Variants in PDE1A observed in about 807,000 individuals in gnomAD.
The protein encoded by PDE1A is dual specificity calcium/calmodulin-dependent 3',5'-cyclic nucleotide phosphodiesterase 1A.
A neutral mutation model predicts 61.7 loss-of-function variants in PDE1A; 35 were observed. The ratio of observed to expected loss-of-function variants is 0.57; its 90% CI spans 0.43 to 0.75. The LOEUF is 0.75. Ranked by LOEUF, PDE1A falls within the 30% of genes least tolerant of loss-of-function variation. The probability of loss-of-function intolerance (pLI) is 0.00; values close to 1 mark genes in which losing one functional copy is unlikely to be tolerated. For missense variants in PDE1A, 597 were observed against 630.6 expected (o/e 0.95, Z 0.57); for synonymous variants, 232 against 213.2 (o/e 1.09, Z -0.77).
At chr2:182,349,156 T>A (rs893908376) in intron 1 of PDE1A, among the ~76,000 whole-genome samples, 1 of 152,138 alleles carries the variant, frequency 6.6e-6, no homozygotes, top group Non-Finnish European at 1.5e-5. Flanking sequence ...TTGCTGTGGA[T>A]GCCAGGAGAA....
upstream of PDE1A, among the ~76,000 whole-genome samples, chr2:182,523,647 T>C (rs1251383938): frequency 1.3e-5 from 2 of 152,214 alleles, no homozygotes; most frequent in Non-Finnish European, 2.9e-5. Flanking sequence ...CATCCAATAT[T>C]TGTTGAATAT....
intron 2 of PDE1A, among the ~76,000 whole-genome samples, chr2:182,501,325 C>T (rs550718408): frequency 5.8e-4 from 88 of 152,272 alleles, no homozygotes; most frequent in African/African-American, 2.0e-3. Context: ...GTCACTAAAG[C>T]AAGGTGAAGG....
intron 1 of PDE1A, among the ~76,000 whole-genome samples, chr2:182,281,850 C>G (rs1693829922): frequency 6.6e-6 from 1 of 151,722 alleles, no homozygotes; most frequent in African/African-American, 2.4e-5. Flanking sequence ...GCTTCTAACA[C>G]TAAATGTCTT....
chr2:182,201,093 G>T (rs1427855118), intron 10 of PDE1A, among the ~76,000 whole-genome samples: 1 of 152,150 alleles, frequency 6.6e-6, no homozygotes, highest in African/African-American at 2.4e-5. Flanking sequence ...ATGCAGAACT[G>T]TTATATATCC....
chr2:182,323,941 C>A (rs1313091699), intron 1 of PDE1A, among the ~76,000 whole-genome samples: 1 of 152,116 alleles, frequency 6.6e-6, no homozygotes, highest in East Asian at 1.9e-4. Flanking sequence ...CCTTTTCAGG[C>A]ACAGCATAGA....
the PDE1A span, among the ~76,000 whole-genome samples, chr2:182,553,825 T>G: frequency 6.6e-5 from 10 of 152,360 alleles, no homozygotes; most frequent in Admixed American, 2.0e-4. Context: ...CAGAGCAATC[T>G]GCATGACAGA....
chr2:182,168,791 T>A (rs1691849249), intron 13 of PDE1A, among the ~76,000 whole-genome samples: 2 of 152,148 alleles, frequency 1.3e-5, no homozygotes. Flanking sequence ...TTTTCCTTTA[T>A]CCACAGAAAA....
intron 2 of PDE1A, among the ~76,000 whole-genome samples, chr2:182,459,721 T>A: frequency 6.6e-6 from 1 of 152,070 alleles, no homozygotes; most frequent in Non-Finnish European, 1.5e-5. Flanking sequence ...ATAACAGGAA[T>A]AACTACCAAC....
rs1036727163 is a variant in PDE1A, at chr2:182,342,576, A to G, written c.54-78162T>C. On this transcript the variant is annotated intron_variant, in intron 1 of 13. Transcript: ENST00000351439. ...CACGTGCCTGTAGTCCTAGCTACTC[A>G]GGAGGCTGAGGCAGGAGAATCACTT... Among the ~76,000 whole-genome samples the G allele has an allele frequency of 6.6e-5, 10 of 152,134 alleles. No homozygotes were observed. In the East Asian group the frequency reaches 1.5e-3, roughly 24 times the overall value.
In PDE1A at chr2:182,336,414, T is replaced by C. The variant is rs149961915; in HGVS notation, c.54-72000A>G. Reference sequence around the variant, plus strand: ...CTGGATAAAGAAAATGTGGCACATATGCAACATGGAATACTATGCAGCCAT... The same window carrying C: ...CTGGATAAAGAAAATGTGGCACATACGCAACATGGAATACTATGCAGCCAT... On this transcript the variant is annotated intron_variant, in intron 1 of 13. Transcript: ENST00000351439. 5.7e-3 allele frequency among the ~76,000 whole-genome samples: 863 copies of C among 152,258 alleles called. 4 individuals carry two copies. The highest frequency in any genetic ancestry group is 9.2e-3 in the Non-Finnish European group (626 of 68,016).
intron 1 of PDE1A, among the ~76,000 whole-genome samples, chr2:182,403,362 G>C (rs962295102): frequency 6.6e-6 from 1 of 151,930 alleles, no homozygotes; most frequent in African/African-American, 2.4e-5. Flanking sequence ...CACTTTAGGA[G>C]GCCGAGGCGG....
chr2:182,380,056 T>C (rs1461833016), intron 1 of PDE1A, among the ~76,000 whole-genome samples: 2 of 151,142 alleles, frequency 1.3e-5, no homozygotes, highest in African/African-American at 4.9e-5. Context: ...ACCTATTTTC[T>C]CCCTGATTCT....
At chr2:182,347,239 T>A (rs1439713615) in intron 1 of PDE1A, among the ~76,000 whole-genome samples, 1 of 152,106 alleles carries the variant, frequency 6.6e-6, no homozygotes, top group African/African-American at 2.4e-5. Context: ...CTCTCTTTGA[T>A]AAGTACATTG....
At chr2:182,242,594 G>C (rs58174575) in intron 2 of PDE1A, among the ~76,000 whole-genome samples, 22,311 of 152,108 alleles carry the variant, frequency 0.15, 2,120 homozygotes, top group East Asian at 0.31. Context: ...TTTTAGATGT[G>C]ATTAACATTT....
chr2:182,369,208 G>A (rs1481322914), intron 1 of PDE1A, among the ~76,000 whole-genome samples: 1 of 151,968 alleles, frequency 6.6e-6, no homozygotes, highest in East Asian at 1.9e-4. Flanking sequence ...ATCCCCAAAA[G>A]TCACCTAACA....
chr2:182,243,939 C>T (rs1384100033), intron 2 of PDE1A, among the ~76,000 whole-genome samples: 1 of 152,178 alleles, frequency 6.6e-6, no homozygotes, highest in Non-Finnish European at 1.5e-5. Flanking sequence ...GCGATCTCGG[C>T]TCACCACAAC....
the PDE1A span, among the ~76,000 whole-genome samples, chr2:182,626,578 G>C: frequency 1.4e-3 from 207 of 149,376 alleles, no homozygotes; most frequent in African/African-American, 4.8e-3. Flanking sequence ...CCTTCATTCT[G>C]GAGAACATTA....
intron 1 of PDE1A, among the ~76,000 whole-genome samples, chr2:182,313,288 C>T (rs942651517): frequency 8.5e-5 from 13 of 152,050 alleles, no homozygotes; most frequent in African/African-American, 2.7e-4. Flanking sequence ...GTGGTGGGCA[C>T]CCGTAATCCC....
Position 182,386,895 on chromosome 2 carries a change from G to A in PDE1A, c.53+39683C>T, listed in dbSNP as rs368843238. Among the ~76,000 whole-genome samples, 8 of 152,212 alleles carry A rather than the reference G, an allele frequency of 5.3e-5. No individual in the cohort carries two copies. The South Asian group carries it at 8.3e-4, about 16-fold the overall frequency. On this transcript the variant is annotated intron_variant, in intron 1 of 13. Coordinates refer to ENST00000351439, the Ensembl canonical transcript of PDE1A. ...TGGGAGGTGAGGAGCCCCTCTGCCC[G>A]GCCACCACCCGGTCTGGGAGGCGCA...
Sources: allele counts gnomAD v4.1 joint callset (sites outside exome capture counted in the v4.1 genomes callset), GRCh38; gene constraint gnomAD v4.1.1; transcripts MANE v1.5; gene names NCBI Gene and HGNC (gene_info 2026-07-23, HGNC 2026-07-21).